Variants in ARPIN observed in about 807,000 individuals in gnomAD.
ARPIN encodes actin related protein 2/3 complex inhibitor, also known as UPF0552 protein C15orf38.
Under a neutral mutation model 25.9 loss-of-function variants are expected in ARPIN, and 23 were observed. The observed-to-expected ratio is 0.89, with a 90% CI of 0.64 to 1.26. The LOEUF is 1.26. Ranked by LOEUF, ARPIN falls within the 50% of genes most tolerant of loss-of-function variation. The pLI, the probability that ARPIN is intolerant of heterozygous loss-of-function variation, is 0.00. For synonymous variants in ARPIN, 126 were observed against 131.4 expected (o/e 0.96, Z 0.28); for missense variants, 333 against 312.2 (o/e 1.07, Z -0.50).
At chr15:89,912,553 A>C in intron 1 of ARPIN, 191 bp downstream of exon 1, 2 of 1,348,578 alleles carry the variant, frequency 1.5e-6, no homozygotes, top group Non-Finnish European at 1.9e-6. Flanking sequence ...GATCTGTGTC[A>C]TGGGGTCGCT....
Position 89,903,234 on chromosome 15 carries a change from C to T in ARPIN, c.654G>A (p.Gly218=), listed in dbSNP as rs1280142951. 1.9e-6 allele frequency: 3 copies of T among 1,614,188 alleles called. No individual in the cohort carries two copies. In the Admixed American group the frequency reaches 5.0e-5, roughly 27 times the overall value. ...TACCTACCCACTCCTCGTCCTCTGC[C>T]CCATCCCCCTGCTCTCGGATCTCCG... ...AAAEIREQGD[G]AEDEEWDD is the part of the protein sequence containing the mutation. Residue 218 remains glycine, a synonymous_variant, in exon 5 of 6, where the codon GGG becomes GGA. Transcript: ENST00000357484.
Position 89,912,842 on chromosome 15 carries a change from G to C in ARPIN, c.-7C>G. The C allele has an allele frequency of 6.6e-7, 1 of 1,518,400 alleles. No individual in the cohort carries two copies. Among genetic ancestry groups the C allele is most frequent in the Non-Finnish European group, 8.8e-7 (1 of 1,136,884 alleles). 94.1% of individuals were successfully genotyped at this position (1,518,400 alleles called of 1,614,324 possible). ...CGTGGTAGATGCGGCTCATTCTCCC[G>C]ACCGCCCGGGCACCCCGGCACAGAG... is the stretch of plus-strand genomic sequence containing the variant. On this transcript the variant is annotated 5_prime_UTR_variant, in exon 1 of 6. Coordinates refer to ENST00000357484, the MANE Select transcript of ARPIN (RefSeq NM_182616.4).
Position 89,901,710 on chromosome 15 carries a change from C to T in ARPIN, c.*85G>A, listed in dbSNP as rs1897023994. ...CAGGTAAGACTTGGCAGACTGTTCT[C>T]TCCAGCTCCAGAGTAGAAGTTCATG... On this transcript the variant is annotated 3_prime_UTR_variant, in exon 6 of 6. Coordinates refer to ENST00000357484, the MANE Select transcript of ARPIN (RefSeq NM_182616.4). 3 of 1,516,654 alleles carry T rather than the reference C, an allele frequency of 2.0e-6. No homozygotes were observed. The highest frequency in any genetic ancestry group is 2.7e-6 in the Non-Finnish European group (3 of 1,094,446). The allele number at this position is 1,516,654 out of a possible 1,614,324, so 93.9% of individuals were successfully genotyped here.
chr15:89,902,680 G>A (rs1267453881), intron 5 of ARPIN, among the ~76,000 whole-genome samples: 1 of 152,114 alleles, frequency 6.6e-6, no homozygotes, highest in African/African-American at 2.4e-5. Context: ...CTCCAGCCTG[G>A]GCAACAGAAT....
chr15:89,907,607 C>G (rs1314495261), intron 3 of ARPIN, among the ~76,000 whole-genome samples: 1 of 152,098 alleles, frequency 6.6e-6, no homozygotes, highest in Non-Finnish European at 1.5e-5. Context: ...GGCACCCTGA[C>G]CTTGGACTTC....
chr15:89,902,279 A>G lies in ARPIN; in HGVS notation c.673-476T>C, dbSNP rs1428073176. Reference sequence around the variant, plus strand: ...CAAAATTAGCCAGGCATGGTGGCGCATGCCTGTAATCCCAGCACTTTGGGA... The same window carrying G: ...CAAAATTAGCCAGGCATGGTGGCGCGTGCCTGTAATCCCAGCACTTTGGGA... On this transcript the variant is annotated intron_variant, in intron 5 of 5. Transcript: ENST00000357484. 9.9e-5 allele frequency among the ~76,000 whole-genome samples: 15 copies of G among 152,210 alleles called. No homozygotes were observed. The South Asian group carries it at 2.3e-3, about 23-fold the overall frequency.
rs1228834219 is a variant in ARPIN at position 89,901,358 on chromosome 15, TACAA to T, written c.*433_*436del. On this transcript the variant is annotated 3_prime_UTR_variant, in exon 6 of 6. Transcript: ENST00000357484. ...TAGGGTCTCTCCCACCACCTGCCTC[TACAA>T]ACAAAGCTGCTATCCAGGGCCAGGG... The T allele has an allele frequency of 1.0e-5, 2 of 198,294 alleles. No homozygotes were observed. Among genetic ancestry groups the T allele is most frequent in the African/African-American group, 2.4e-5 (1 of 42,440 alleles). The allele number at this position is 198,294 out of a possible 1,614,324, so 12.3% of individuals were successfully genotyped here. A position where few individuals can be genotyped will look rare whatever the true frequency, so the allele number is the denominator to read the frequency against.
rs1567194898 is a variant in ARPIN, at chr15:89,903,294, G to A, written c.594C>T (p.Asn198=). ...CCTTCGAACACTTTTGGGCCATGAT[G>A]TTGTCTGTCCAGGATGCCCCTGTCT... ...DGKTGASWTD[N]IMAQKCSKGA... Residue 198 remains asparagine, a synonymous_variant, in exon 5 of 6, where the codon AAC becomes AAT. Coordinates refer to ENST00000357484, the MANE Select transcript of ARPIN (RefSeq NM_182616.4). The A allele has an allele frequency of 1.2e-6, 2 of 1,614,210 alleles. No individual in the cohort carries two copies. Among genetic ancestry groups the A allele is most frequent in the Admixed American group, 1.7e-5 (1 of 60,024 alleles).
intron 3 of ARPIN, among the ~76,000 whole-genome samples, chr15:89,904,865 C>T (rs1897091073): frequency 6.6e-6 from 1 of 152,176 alleles, no homozygotes; most frequent in African/African-American, 2.4e-5. Flanking sequence ...GCCAGGGGTG[C>T]CTTCTGGGAC....
Sources: gnomAD v4.1 joint callset for allele counts (sites outside exome capture counted in the v4.1 genomes callset) on GRCh38, gnomAD v4.1.1 for gene constraint, MANE v1.5 for transcripts, NCBI Gene and HGNC (gene_info 2026-07-23, HGNC 2026-07-21) for gene names.